Variants in GLIS3 observed in about 807,000 individuals in gnomAD.
GLIS3 encodes the protein GLIS family zinc finger 3, also known as zinc finger protein GLIS3.
Under a neutral mutation model 78.6 loss-of-function variants are expected in GLIS3, and 53 were observed. That is an observed-to-expected ratio of 0.67 (90% CI 0.54 to 0.85). The LOEUF is 0.85. GLIS3 is among the 40% of genes least tolerant of loss of function. The probability of loss-of-function intolerance (pLI) is 0.00; values close to 1 mark genes in which losing one functional copy is unlikely to be tolerated. For synonymous variants in GLIS3, 684 were observed against 509.9 expected, an observed-to-expected ratio of 1.34 and a Z score of -4.60; for missense variants, 1,703 against 1,231.1, an observed-to-expected ratio of 1.38 and a Z score of -5.74.
intron 2 of GLIS3, among the ~76,000 whole-genome samples, chr9:4,340,294 A>AG (rs1491256755): frequency 4.2e-4 from 1 of 2,360 alleles, no homozygotes; most frequent in Non-Finnish European, 7.6e-4. Flanking sequence ...ATCAAATGAG[A>AG]AAAAAAAAAA....
chr9:4,345,301 T>G (rs1366317548), intron 2 of GLIS3, among the ~76,000 whole-genome samples: 1 of 152,226 alleles, frequency 6.6e-6, no homozygotes, highest in Non-Finnish European at 1.5e-5. Flanking sequence ...AATGCCACCT[T>G]CTCAGTCAGG....
chr9:4,489,709 G>A, the GLIS3 span, among the ~76,000 whole-genome samples: 1 of 152,162 alleles, frequency 6.6e-6, no homozygotes, highest in Admixed American at 6.5e-5. Flanking sequence ...GCGGCTCCCG[G>A]GTCCGGTTCT....
chr9:4,054,382 T>C, intron 4 of GLIS3: 4 of 985,406 alleles, frequency 4.1e-6, no homozygotes, highest in Non-Finnish European at 4.8e-6. Flanking sequence ...AAACGTATTT[T>C]CCCAAGCTCA....
chr9:4,353,409 C>T, the GLIS3 span, among the ~76,000 whole-genome samples: 3 of 152,238 alleles, frequency 2.0e-5, no homozygotes, highest in South Asian at 2.1e-4. Flanking sequence ...TGGGAGTTAA[C>T]GAGCAGCAAA....
chr9:4,163,011 T>G (rs1318996255), intron 2 of GLIS3, among the ~76,000 whole-genome samples: 1 of 152,202 alleles, frequency 6.6e-6, no homozygotes, highest in Non-Finnish European at 1.5e-5. Context: ...TACCCTCTCA[T>G]CATCCACATG....
intron 4 of GLIS3, among the ~76,000 whole-genome samples, chr9:4,063,612 A>G (rs1255257791): frequency 1.3e-5 from 2 of 152,210 alleles, no homozygotes; most frequent in Non-Finnish European, 2.9e-5. Context: ...AATCAGAAGT[A>G]CTGCATATTT....
intron 4 of GLIS3, among the ~76,000 whole-genome samples, chr9:4,080,957 A>G (rs573818029): frequency 2.0e-5 from 3 of 152,162 alleles, no homozygotes; most frequent in Non-Finnish European, 4.4e-5. Flanking sequence ...AGTCCTTGTC[A>G]ACTTGCAGCA....
At chr9:4,423,616 A>G in the GLIS3 span, among the ~76,000 whole-genome samples, 1 of 152,078 alleles carries the variant, frequency 6.6e-6, no homozygotes, top group Admixed American at 6.5e-5. Flanking sequence ...TTTTTGAAAA[A>G]CCAATAATTT....
At chr9:3,955,255 G>A (rs143267715) in intron 4 of GLIS3, among the ~76,000 whole-genome samples, 93 of 152,310 alleles carry the variant, frequency 6.1e-4, no homozygotes, top group Non-Finnish European at 1.1e-3. Flanking sequence ...GACACGTGGT[G>A]TTCTGCCTAT....
the GLIS3 span, among the ~76,000 whole-genome samples, chr9:4,421,281 T>A: frequency 1.3e-5 from 2 of 152,030 alleles, no homozygotes; most frequent in Non-Finnish European, 2.9e-5. Flanking sequence ...GGAAAGGGGG[T>A]CCATCCAAGA....
At chr9:4,262,846 T>G (rs1347752703) in intron 2 of GLIS3, among the ~76,000 whole-genome samples, 2 of 150,936 alleles carry the variant, frequency 1.3e-5, no homozygotes, top group Admixed American at 6.6e-5. Context: ...GAAAGGAATG[T>G]AGTGATCTAG....
chr9:4,318,224 C>G (rs1028887306), intron 2 of GLIS3, among the ~76,000 whole-genome samples: 5 of 152,072 alleles, frequency 3.3e-5, no homozygotes, highest in African/African-American at 1.2e-4. Context: ...GAAGAGTTAT[C>G]TGGTGTTTGA....
chr9:4,362,888 G>A, the GLIS3 span, among the ~76,000 whole-genome samples: 1 of 152,124 alleles, frequency 6.6e-6, no homozygotes, highest in Non-Finnish European at 1.5e-5. Flanking sequence ...GGATCAGAAT[G>A]AGGTAGAATT....
intron 2 of GLIS3, among the ~76,000 whole-genome samples, chr9:4,212,332 G>C (rs1282790935): frequency 6.6e-6 from 1 of 152,142 alleles, no homozygotes; most frequent in Non-Finnish European, 1.5e-5. Context: ...ACTTGTAGTG[G>C]CTCACATCTT....
At chr9:4,342,860 G>A (rs1444059194) in intron 2 of GLIS3, among the ~76,000 whole-genome samples, 1 of 152,158 alleles carries the variant, frequency 6.6e-6, no homozygotes, top group Non-Finnish European at 1.5e-5. Flanking sequence ...TGTGGCTATT[G>A]TGAATGGGAT....
At chr9:4,018,734 T>C (rs1335561472) in intron 4 of GLIS3, among the ~76,000 whole-genome samples, 1 of 152,154 alleles carries the variant, frequency 6.6e-6, no homozygotes, top group African/African-American at 2.4e-5. Flanking sequence ...AAGGCAGGTA[T>C]ACACACTTGG....
the GLIS3 span, among the ~76,000 whole-genome samples, chr9:4,427,852 C>G: frequency 6.6e-6 from 1 of 150,492 alleles, no homozygotes; most frequent in Non-Finnish European, 1.5e-5. Flanking sequence ...GAGCAAGACT[C>G]CATTAAAAAA....
chr9:4,246,865 T>C (rs1251650588), intron 2 of GLIS3, among the ~76,000 whole-genome samples: 2 of 152,212 alleles, frequency 1.3e-5, no homozygotes, highest in Non-Finnish European at 2.9e-5. Context: ...ATTTAATGAA[T>C]ATTGTCCAAT....
the GLIS3 span, among the ~76,000 whole-genome samples, chr9:4,473,924 T>C: frequency 6.6e-6 from 1 of 151,776 alleles, no homozygotes; most frequent in Admixed American, 6.6e-5. Flanking sequence ...TTAAAAAAAC[T>C]AAAAAAGACC....
Sources: gnomAD v4.1 joint callset for allele counts (sites outside exome capture counted in the v4.1 genomes callset) on GRCh38, gnomAD v4.1.1 for gene constraint, MANE v1.5 for transcripts, NCBI Gene and HGNC (gene_info 2026-07-23, HGNC 2026-07-21) for gene names.